PIK3AP1: variants seen among roughly 807,000 people sequenced by gnomAD.
PIK3AP1 encodes the protein phosphoinositide 3-kinase adapter protein 1.
A neutral mutation model predicts 88.1 loss-of-function variants in PIK3AP1; 21 were observed. That is an observed-to-expected ratio of 0.24 (90% confidence interval 0.17 to 0.34). The LOEUF (loss-of-function observed/expected upper bound fraction) is 0.34, where lower values mean the gene tolerates loss of function less well. Among genes scored for constraint, PIK3AP1 ranks in the 10% least tolerant of loss-of-function variants. The probability of loss-of-function intolerance (pLI) is 1.00; values close to 1 mark genes in which losing one functional copy is unlikely to be tolerated. For synonymous variants in PIK3AP1, 398 were observed against 400.0 expected, an observed-to-expected ratio of 1.00 and a Z score of 0.06; for missense variants, 828 against 1,035.7, an observed-to-expected ratio of 0.80 and a Z score of 2.75.
chr10:96,707,682 G>C lies in PIK3AP1; in HGVS notation c.430+1885C>G, dbSNP rs1844382928. Among the ~76,000 whole-genome samples, 3 of 152,086 alleles carry C rather than the reference G, an allele frequency of 2.0e-5. No individual in the cohort carries two copies. In the South Asian group the frequency reaches 6.2e-4, roughly 32 times the overall value. Reference sequence around the variant, plus strand: ...GCAATACATCCATGGTGGGTTCCAGGGGCTGGCCTGCGAGATCCTAATGGA... The same window carrying C: ...GCAATACATCCATGGTGGGTTCCAGCGGCTGGCCTGCGAGATCCTAATGGA... On this transcript the variant is annotated intron_variant, in intron 2 of 16. Transcript: ENST00000339364.
At chr10:96,690,751 C>A (rs1425338845) in intron 2 of PIK3AP1, among the ~76,000 whole-genome samples, 3 of 152,184 alleles carry the variant, frequency 2.0e-5, no homozygotes, top group Non-Finnish European at 2.9e-5. Context: ...TCCAGGCTAC[C>A]AGAGTGGACC....
At chr10:96,599,964 G>A (rs553574282) in intron 16 of PIK3AP1, among the ~76,000 whole-genome samples, 414 of 151,806 alleles carry the variant, frequency 2.7e-3, no homozygotes, top group Non-Finnish European at 4.8e-3. Context: ...CTGTTTCCCC[G>A]GTTGTCTTCT....
chr10:96,644,363 AT>A (rs1843431215), intron 8 of PIK3AP1, among the ~76,000 whole-genome samples: 1 of 152,242 alleles, frequency 6.6e-6, no homozygotes. Flanking sequence ...ATATCTGTGT[AT>A]ATGTACAAGT....
chr10:96,653,379 T>C (rs1843568575), intron 3 of PIK3AP1, among the ~76,000 whole-genome samples: 1 of 124,076 alleles, frequency 8.1e-6, no homozygotes. Context: ...CACTCCAGCC[T>C]GGGCAACAGA....
intron 15 of PIK3AP1, among the ~76,000 whole-genome samples, chr10:96,603,053 G>A (rs1425373671): frequency 1.3e-5 from 2 of 152,104 alleles, no homozygotes; most frequent in Non-Finnish European, 2.9e-5. Context: ...CCTAACCCTG[G>A]ATCCCCTGAG....
At chr10:96,675,467 G>T (rs561534002) in intron 2 of PIK3AP1, among the ~76,000 whole-genome samples, 2 of 152,152 alleles carry the variant, frequency 1.3e-5, no homozygotes, top group African/African-American at 4.8e-5. Context: ...CAGGAAGCAG[G>T]GCCTTGGTCG....
intron 8 of PIK3AP1, chr10:96,633,227 A>T: frequency 1.4e-6 from 1 of 701,294 alleles, no homozygotes. Flanking sequence ...GCAATTTACC[A>T]ATCAGGAGCC....
At chr10:96,609,161 T>A (rs1257742181) in intron 14 of PIK3AP1, among the ~76,000 whole-genome samples, 1 of 152,252 alleles carries the variant, frequency 6.6e-6, no homozygotes, top group Non-Finnish European at 1.5e-5. Context: ...TTCTCTTCTT[T>A]CTTTTTATTT....
intron 8 of PIK3AP1, among the ~76,000 whole-genome samples, chr10:96,642,983 G>A (rs1389326882): frequency 1.3e-5 from 2 of 152,180 alleles, no homozygotes; most frequent in Non-Finnish European, 1.5e-5. Flanking sequence ...GTGGGTACTG[G>A]TGGTTCTCCA....
rs74614788 is a variant in PIK3AP1, at chr10:96,623,172, A to C, written c.1735+300T>G. Among the ~76,000 whole-genome samples the C allele has an allele frequency of 9.9e-3, 1,508 of 152,252 alleles. 51 individuals are homozygous for C. Among genetic ancestry groups the C allele is most frequent in the South Asian group, 0.092 (443 of 4,824 alleles). On this transcript the variant is annotated intron_variant, in intron 11 of 16. Coordinates refer to ENST00000339364, the MANE Select transcript of PIK3AP1 (RefSeq NM_152309.3). ...AGACTCTCAGACAGTGCCACACTAA[A>C]GTATCCTTGGATCTCTCTAATTAAT...
In PIK3AP1 at chr10:96,709,756, T is replaced by C. The variant is rs777109938; in HGVS notation, c.241A>G (p.Lys81Glu). 6.2e-7 allele frequency: 1 copy of C among 1,613,902 alleles called. No homozygotes were observed. Among genetic ancestry groups the C allele is most frequent in the Non-Finnish European group, 8.5e-7 (1 of 1,179,880 alleles). ...LSAELVQHFH[K>E]PALLPLLQRA... ...TGCAGCAGGGGCAGCAAGGCGGGCTTGTGGAAGTGCTGCACCAGCTCCGCG... is the reference window on the plus strand; with the variant it reads ...TGCAGCAGGGGCAGCAAGGCGGGCTCGTGGAAGTGCTGCACCAGCTCCGCG... Residue 81 changes from lysine to glutamate, a missense_variant, in exon 2 of 17, where the codon AAG (lysine) becomes GAG (glutamate). Around this residue, in one of 3 missense-constraint regions of PIK3AP1, gnomAD observed 610 missense variants for 760.1 expected, o/e 0.80. Transcript: ENST00000339364.
At chr10:96,671,067 T>A (rs1843839506) in intron 2 of PIK3AP1, among the ~76,000 whole-genome samples, 1 of 152,276 alleles carries the variant, frequency 6.6e-6, no homozygotes, top group African/African-American at 2.4e-5. Context: ...ACATGTCTCT[T>A]GTTTACACTG....
rs779642441 is a variant in PIK3AP1 at position 96,651,538 on chromosome 10, C to T, written c.826G>A (p.Ala276Thr). ...CACATGAATTCCACAGGATTCGCGGCATTGGACAATAAATTCCCAATTTCT... is the reference window on the plus strand; with the variant it reads ...CACATGAATTCCACAGGATTCGCGGTATTGGACAATAAATTCCCAATTTCT... ...MEEIGNLLSN[A>T]ANPVEFMCQA... The change falls in exon 5 of 17, where the codon GCC (alanine) becomes ACC (threonine). Residue 276 changes from alanine to threonine, a missense_variant. Ala to Thr is a moderately conservative substitution (Grantham distance 58). This residue lies in a region of PIK3AP1 where 610 missense variants were observed against 760.1 expected (regional missense o/e 0.80). Coordinates refer to ENST00000339364, the MANE Select transcript of PIK3AP1 (RefSeq NM_152309.3). 1.2e-6 allele frequency: 2 copies of T among 1,614,208 alleles called. No individual in the cohort carries two copies. The highest frequency in any genetic ancestry group is 1.7e-6 in the Non-Finnish European group (2 of 1,180,040).
intron 2 of PIK3AP1, among the ~76,000 whole-genome samples, chr10:96,708,027 G>C (rs954892129): frequency 8.5e-5 from 13 of 152,058 alleles, no homozygotes; most frequent in African/African-American, 2.7e-4. Context: ...TGGGATAAAA[G>C]CACCTAGGAA....
At chr10:96,634,917 C>T (rs748669325) in intron 8 of PIK3AP1, among the ~76,000 whole-genome samples, 7 of 152,164 alleles carry the variant, frequency 4.6e-5, no homozygotes, top group Non-Finnish European at 7.3e-5. Context: ...GCCACCTGCA[C>T]TCCTTAGCAC....
chr10:96,651,716 GT>G lies in PIK3AP1; in HGVS notation c.713-66del, dbSNP rs1843541210. 3 of 1,558,742 alleles carry G rather than the reference GT, an allele frequency of 1.9e-6. No homozygotes were observed. In the African/African-American group the frequency reaches 4.1e-5, roughly 21 times the overall value. ...AACAAGCATCCAGGGAAAAGTGGCT[GT>G]GGATATACACACTCCATCTGAGTGG... On this transcript the variant is annotated intron_variant, in intron 4 of 16. Transcript: ENST00000339364.
At chr10:96,682,873 T>C (rs920973382) in intron 2 of PIK3AP1, among the ~76,000 whole-genome samples, 3 of 152,212 alleles carry the variant, frequency 2.0e-5, no homozygotes, top group Admixed American at 2.0e-4. Flanking sequence ...ATCCAAGCTA[T>C]TCAGAAGATA....
chr10:96,637,356 A>T (rs1270674552), intron 8 of PIK3AP1, among the ~76,000 whole-genome samples: 1 of 147,424 alleles, frequency 6.8e-6, no homozygotes, highest in Non-Finnish European at 1.5e-5. Flanking sequence ...ACACACACAC[A>T]CTCTGTGATA....
chr10:96,704,445 C>T (rs1210705353), intron 2 of PIK3AP1, among the ~76,000 whole-genome samples: 1 of 152,148 alleles, frequency 6.6e-6, no homozygotes, highest in Admixed American at 6.5e-5. Flanking sequence ...TGGCTGGGTG[C>T]GGTGGCTCAC....
Sources: gnomAD v4.1 joint callset for allele counts (sites outside exome capture counted in the v4.1 genomes callset) on GRCh38, gnomAD v4.1.1 for gene constraint, gnomAD v4.1.1 regional missense constraint, MANE v1.5 for transcripts, NCBI Gene and HGNC (gene_info 2026-07-23, HGNC 2026-07-21) for gene names.